ZFAND4: variants seen among roughly 807,000 people sequenced by gnomAD.
ZFAND4 encodes zinc finger AN1-type containing 4.
Under a neutral mutation model 64.4 loss-of-function variants are expected in ZFAND4, and 43 were observed. The observed-to-expected ratio is 0.67, with a 90% CI of 0.52 to 0.86. ZFAND4 has a LOEUF of 0.86. Ranked by LOEUF, ZFAND4 falls within the 40% of genes least tolerant of loss-of-function variation. The probability of loss-of-function intolerance (pLI) is 0.00; values close to 1 mark genes in which losing one functional copy is unlikely to be tolerated. For missense variants in ZFAND4, 929 were observed against 859.8 expected (o/e 1.08, Z -1.01); for synonymous variants, 296 against 305.7 (o/e 0.97, Z 0.33).
chr10:45,671,535 C>T (rs2049189807), intron 1 of ZFAND4, among the ~76,000 whole-genome samples: 1 of 152,106 alleles, frequency 6.6e-6, no homozygotes, highest in South Asian at 2.1e-4. Flanking sequence ...TTTGCATGGA[C>T]ATGGATGAAG....
rs1231543915 is a variant in ZFAND4, at chr10:45,639,190, A to T, written c.717+626T>A. On this transcript the variant is annotated intron_variant, in intron 6 of 9. Transcript: ENST00000344646. ...AGAATATATATAAAACTCCAAAAAA[A>T]ATCTGTAACAAAAAACATACAACCC... is the stretch of plus-strand genomic sequence containing the variant. 2.0e-5 allele frequency among the ~76,000 whole-genome samples: 3 copies of T among 152,156 alleles called. No homozygotes were observed. In the East Asian group the frequency reaches 5.8e-4, roughly 29 times the overall value.
At chr10:45,649,488 G>A (rs1394023584) in intron 4 of ZFAND4, among the ~76,000 whole-genome samples, 5 of 152,140 alleles carry the variant, frequency 3.3e-5, no homozygotes, top group South Asian at 4.1e-4. Flanking sequence ...TAACAGAATC[G>A]TGGTGCTCTA....
chr10:45,641,111 T>C (rs1244315419), intron 5 of ZFAND4, among the ~76,000 whole-genome samples: 1 of 152,222 alleles, frequency 6.6e-6, no homozygotes, highest in Non-Finnish European at 1.5e-5. Context: ...CATTAGACTT[T>C]ATCTTCTGAG....
intron 2 of ZFAND4, among the ~76,000 whole-genome samples, chr10:45,660,655 T>G (rs2048411630): frequency 6.6e-6 from 1 of 151,934 alleles, no homozygotes; most frequent in Non-Finnish European, 1.5e-5. Context: ...GACAAAATTC[T>G]TAAATCAGCC....
chr10:45,635,705 T>C (rs1465041041), intron 6 of ZFAND4, among the ~76,000 whole-genome samples: 1 of 152,164 alleles, frequency 6.6e-6, no homozygotes, highest in Non-Finnish European at 1.5e-5. Context: ...AAGTGTGGTA[T>C]ATAGCCATAC....
chr10:45,652,120 C>G (rs908189379), intron 3 of ZFAND4, 87 bp from the exon 4 acceptor site: 1 of 1,241,102 alleles, frequency 8.1e-7, no homozygotes, highest in African/African-American at 1.5e-5. Flanking sequence ...GCTTATCAGG[C>G]AGAGTGGCCA....
chr10:45,652,890 A>C, intron 3 of ZFAND4, 94 bp downstream of exon 3: 2 of 930,476 alleles, frequency 2.1e-6, no homozygotes, highest in Non-Finnish European at 3.3e-6. Context: ...CAGGAGAAAA[A>C]CAGACATGAT....
rs1224972800 is a variant in ZFAND4, at chr10:45,639,903, A to T, written c.630T>A (p.Ser210=). The T allele has an allele frequency of 3.1e-6, 5 of 1,613,280 alleles. No individual in the cohort carries two copies. The highest frequency in any genetic ancestry group is 4.2e-6 in the Non-Finnish European group (5 of 1,179,856). ...DEDEETEPSS[S]GQQIIENSIT... ...TTGAATTTTCAATTATCTGTTGCCCAGAAGAAGAAGGCTCAGTTTCTTCAT... is the reference window on the plus strand; with the variant it reads ...TTGAATTTTCAATTATCTGTTGCCCTGAAGAAGAAGGCTCAGTTTCTTCAT... Residue 210 remains serine (S), a synonymous_variant, in exon 6 of 10, where the codon TCT becomes TCA. Coordinates refer to ENST00000344646, the MANE Select transcript of ZFAND4 (RefSeq NM_174890.4).
chr10:45,628,896 C>CAAAAAAAAAAAAAAAAAAAAAAGGAA (rs74412113), intron 6 of ZFAND4, among the ~76,000 whole-genome samples: 1 of 45,470 alleles, frequency 2.2e-5, no homozygotes, highest in Non-Finnish European at 4.9e-5. Flanking sequence ...GGAGCTTCAC[C>CAAAAAAAAAAAAAAAAAAAAAAGGAA]AAAAAAAAAA....
At chr10:45,617,500 T>G (rs2045072373) in intron 9 of ZFAND4, among the ~76,000 whole-genome samples, 1 of 147,396 alleles carries the variant, frequency 6.8e-6, no homozygotes, top group Non-Finnish European at 1.5e-5. Context: ...TGATGGCACA[T>G]GCCTATAGTC....
intron 3 of ZFAND4, 45 bp from the exon 4 acceptor site, chr10:45,652,078 A>G (rs1224919135): frequency 1.3e-6 from 2 of 1,582,918 alleles, no homozygotes; most frequent in Non-Finnish European, 1.7e-6. Context: ...ATCAAAATGC[A>G]TTCAGTTAAA....
At chr10:45,666,401 TTTTA>T (rs2048828518) in intron 1 of ZFAND4, among the ~76,000 whole-genome samples, 1 of 152,236 alleles carries the variant, frequency 6.6e-6, no homozygotes, top group African/African-American at 2.4e-5. Flanking sequence ...TAATTGGATT[TTTTA>T]TTGAGTTGTA....
At chr10:45,653,937 G>A (rs2047927081) in intron 2 of ZFAND4, among the ~76,000 whole-genome samples, 1 of 152,140 alleles carries the variant, frequency 6.6e-6, no homozygotes, top group African/African-American at 2.4e-5. Context: ...TGCAACAGTG[G>A]ACTGGACAAA....
intron 2 of ZFAND4, among the ~76,000 whole-genome samples, chr10:45,658,432 G>A (rs2048271087): frequency 6.6e-6 from 1 of 152,182 alleles, no homozygotes; most frequent in Non-Finnish European, 1.5e-5. Flanking sequence ...CCAAAATCGT[G>A]TAACTTTCTG....
At chr10:45,654,985 C>T (rs1361380376) in intron 2 of ZFAND4, among the ~76,000 whole-genome samples, 3 of 152,110 alleles carry the variant, frequency 2.0e-5, no homozygotes, top group Non-Finnish European at 4.4e-5. Context: ...ACTTAAACTG[C>T]ACTCTAGAAC....
At chr10:45,630,718 T>C (rs762424049) in intron 6 of ZFAND4, among the ~76,000 whole-genome samples, 6 of 149,288 alleles carry the variant, frequency 4.0e-5, no homozygotes, top group Non-Finnish European at 5.9e-5. Context: ...ACAGCAAGAC[T>C]CCATCTCAAA....
chr10:45,636,931 A>C (rs1249434433), intron 6 of ZFAND4, among the ~76,000 whole-genome samples: 1 of 151,940 alleles, frequency 6.6e-6, no homozygotes, highest in African/African-American at 2.4e-5. Context: ...TCTATTATTA[A>C]GTGCATAAAC....
chr10:45,655,193 A>C (rs1438994034), intron 2 of ZFAND4, among the ~76,000 whole-genome samples: 1 of 152,214 alleles, frequency 6.6e-6, no homozygotes, highest in Non-Finnish European at 1.5e-5. Flanking sequence ...AATCAACTCC[A>C]AAAGGGAATC....
intron 8 of ZFAND4, among the ~76,000 whole-genome samples, chr10:45,619,133 G>A (rs1433872666): frequency 6.6e-6 from 1 of 151,904 alleles, no homozygotes; most frequent in African/African-American, 2.4e-5. Context: ...CTGTGTCTTG[G>A]GTTCAAGTGG....
Sources: allele counts gnomAD v4.1 joint callset (sites outside exome capture counted in the v4.1 genomes callset), GRCh38; gene constraint gnomAD v4.1.1; transcripts MANE v1.5; gene names NCBI Gene and HGNC (gene_info 2026-07-23, HGNC 2026-07-21).